Variants in MARCHF8 observed in about 807,000 individuals in gnomAD.
The protein encoded by MARCHF8 is E3 ubiquitin-protein ligase MARCHF8.
Under a neutral mutation model 51.6 loss-of-function variants are expected in MARCHF8, and 40 were observed. That is an observed-to-expected ratio of 0.77 (90% confidence interval 0.60 to 1.01). The LOEUF is 1.01. Ranked by LOEUF, MARCHF8 falls within the 50% of genes least tolerant of loss-of-function variation. The pLI is 0.00. For synonymous variants in MARCHF8, 263 were observed against 280.3 expected (o/e 0.94, Z 0.62); for missense variants, 685 against 708.6 (o/e 0.97, Z 0.38).
chr10:45,506,224 C>T (rs1352915825), intron 2 of MARCHF8, among the ~76,000 whole-genome samples: 4 of 151,992 alleles, frequency 2.6e-5, no homozygotes, highest in Non-Finnish European at 4.4e-5. Context: ...ATTAAGAAAT[C>T]AAGTTCACAT....
intron 1 of MARCHF8, among the ~76,000 whole-genome samples, chr10:45,587,469 T>C (rs945281666): frequency 6.6e-6 from 1 of 152,192 alleles, no homozygotes; most frequent in Non-Finnish European, 1.5e-5. Flanking sequence ...GTTCATGTAT[T>C]GAAAGGTTCG....
At chr10:45,550,509 C>A (rs987808706) in intron 1 of MARCHF8, among the ~76,000 whole-genome samples, 1 of 152,242 alleles carries the variant, frequency 6.6e-6, no homozygotes, top group Non-Finnish European at 1.5e-5. Context: ...GTGGCACACA[C>A]TGCTCTGCAC....
intron 1 of MARCHF8, among the ~76,000 whole-genome samples, chr10:45,580,069 A>G (rs1256642570): frequency 6.6e-6 from 1 of 152,044 alleles, no homozygotes; most frequent in African/African-American, 2.4e-5. Flanking sequence ...TCTGAAAGAA[A>G]TAATCTAAAC....
chr10:45,476,772 T>TG (rs1424846530), intron 3 of MARCHF8, among the ~76,000 whole-genome samples: 1 of 152,010 alleles, frequency 6.6e-6, no homozygotes, highest in Non-Finnish European at 1.5e-5. Flanking sequence ...TTTCAGAACT[T>TG]GAAGACAGGT....
At chr10:45,463,021 G>T in intron 5 of MARCHF8, 130 bp downstream of exon 5, 1 of 1,214,744 alleles carries the variant, frequency 8.2e-7, no homozygotes. Context: ...TTCTTCTGGA[G>T]AAAACCATCA....
chr10:45,543,649 T>C (rs2044082098), intron 1 of MARCHF8, among the ~76,000 whole-genome samples: 1 of 150,076 alleles, frequency 6.7e-6, no homozygotes, highest in Non-Finnish European at 1.5e-5. Context: ...ATACAAAAAA[T>C]TAGCCGGGCA....
At chr10:45,527,031 T>C (rs1416950061) in intron 2 of MARCHF8, among the ~76,000 whole-genome samples, 1 of 152,116 alleles carries the variant, frequency 6.6e-6, no homozygotes, top group Non-Finnish European at 1.5e-5. Flanking sequence ...TTTGGGTCAG[T>C]GATGAAATTA....
At chr10:45,496,078 C>T (rs2043170431) in intron 2 of MARCHF8, among the ~76,000 whole-genome samples, 1 of 152,034 alleles carries the variant, frequency 6.6e-6, no homozygotes, top group Non-Finnish European at 1.5e-5. Flanking sequence ...TTCAGCAAAA[C>T]TATCTTCAAA....
chr10:45,537,686 C>T (rs1054998081), upstream of MARCHF8, among the ~76,000 whole-genome samples: 6 of 150,614 alleles, frequency 4.0e-5, no homozygotes, highest in Admixed American at 2.0e-4. Context: ...AAAAATTATA[C>T]TAAGAAGCCA....
intron 2 of MARCHF8, among the ~76,000 whole-genome samples, chr10:45,490,745 G>A (rs770038175): frequency 6.6e-6 from 1 of 152,198 alleles, no homozygotes; most frequent in South Asian, 2.1e-4. Flanking sequence ...CTAAGGAAGA[G>A]AAGATCTTAG....
At chr10:45,530,553 G>A (rs992097500) in intron 2 of MARCHF8, among the ~76,000 whole-genome samples, 2 of 152,162 alleles carry the variant, frequency 1.3e-5, no homozygotes, top group African/African-American at 4.8e-5. Flanking sequence ...AGGCCAAGAT[G>A]GGAGGATTGC....
At chr10:45,481,814 C>T (rs2133046915) in intron 3 of MARCHF8, among the ~76,000 whole-genome samples, 1 of 152,254 alleles carries the variant, frequency 6.6e-6, no homozygotes, top group East Asian at 1.9e-4. Flanking sequence ...TACTGGAAGT[C>T]CTAGTTAGAG....
intron 2 of MARCHF8, among the ~76,000 whole-genome samples, chr10:45,509,486 A>G (rs1201332303): frequency 6.6e-6 from 1 of 152,220 alleles, no homozygotes; most frequent in Non-Finnish European, 1.5e-5. Flanking sequence ...TTTCAGGGCA[A>G]TAAAGTTATT....
chr10:45,540,638 A>G (rs1468024734), intron 1 of MARCHF8, among the ~76,000 whole-genome samples: 1 of 152,222 alleles, frequency 6.6e-6, no homozygotes, highest in Admixed American at 6.5e-5. Flanking sequence ...GGCAACCTAC[A>G]GAATGGGAGA....
intron 2 of MARCHF8, among the ~76,000 whole-genome samples, chr10:45,490,947 G>C (rs1178862670): frequency 1.3e-5 from 2 of 152,166 alleles, no homozygotes; most frequent in Non-Finnish European, 2.9e-5. Flanking sequence ...ACCCAGGCTA[G>C]AGTGCAGTGG....
chr10:45,577,352 T>C (rs1406471527), intron 1 of MARCHF8, among the ~76,000 whole-genome samples: 2 of 152,110 alleles, frequency 1.3e-5, no homozygotes, highest in Non-Finnish European at 2.9e-5. Flanking sequence ...CAATTATACA[T>C]TTTAAAATAA....
intron 1 of MARCHF8, among the ~76,000 whole-genome samples, chr10:45,549,891 T>TG (rs1302624083): frequency 2.0e-5 from 3 of 152,156 alleles, no homozygotes; most frequent in Non-Finnish European, 4.4e-5. Context: ...CCCTCAACCT[T>TG]GGACTTCCCA....
chr10:45,507,522 G>A (rs1339899071), intron 2 of MARCHF8, among the ~76,000 whole-genome samples: 1 of 152,180 alleles, frequency 6.6e-6, no homozygotes, highest in African/African-American at 2.4e-5. Context: ...AAGAGAGCAA[G>A]GAGGGAGGTG....
rs542761747 is a variant in MARCHF8, at chr10:45,516,585, G to A, written c.102+16525C>T. ...TCGAGACCAGCCTGGACAATACAGC[G>A]AAACCCTATTTCTACTAAAAATACA... On this transcript the variant is annotated intron_variant, in intron 2 of 7. Coordinates refer to ENST00000453424, the MANE Select transcript of MARCHF8 (RefSeq NM_001282866.2). Among the ~76,000 whole-genome samples, 324 of 152,282 alleles carry A rather than the reference G, an allele frequency of 2.1e-3. 1 individual carries two copies. Among genetic ancestry groups the A allele is most frequent in the African/African-American group, 7.3e-3 (304 of 41,558 alleles).
Sources: allele counts gnomAD v4.1 joint callset (sites outside exome capture counted in the v4.1 genomes callset), GRCh38; gene constraint gnomAD v4.1.1; transcripts MANE v1.5; gene names NCBI Gene and HGNC (gene_info 2026-07-23, HGNC 2026-07-21).